FAHD1: variants seen among roughly 807,000 people sequenced by gnomAD.
FAHD1 encodes FAH domain containing oxaloacetate decarboxylase 1.
A neutral mutation model predicts 12.7 loss-of-function variants in FAHD1; 14 were observed. The ratio of observed to expected loss-of-function variants is 1.10; its 90% CI spans 0.73 to 1.72. The LOEUF (loss-of-function observed/expected upper bound fraction) is 1.72. Among genes scored for constraint, FAHD1 ranks in the 40% most tolerant of loss-of-function variants. FAHD1 has a pLI of 0.00. For missense variants in FAHD1, 351 were observed against 298.9 expected, an observed-to-expected ratio of 1.17 and a Z score of -1.29; for synonymous variants, 153 against 124.9, an observed-to-expected ratio of 1.22 and a Z score of -1.50.
At chr16:1,839,583 G>A (rs1048172024) in exon 3 of FAHD1, 8 of 688,962 alleles carry the variant, frequency 1.2e-5, no homozygotes, top group Non-Finnish European at 1.8e-5. Context: ...CTACAAGACA[G>A]TCGTAAAAAA....
exon 2 of FAHD1, chr16:1,838,092 G>A: frequency 1.3e-6 from 1 of 758,138 alleles, no homozygotes; most frequent in Non-Finnish European, 2.1e-6. Flanking sequence ...GAACTCCCGG[G>A]GTCAAGCAAT....
chr16:1,827,582 C>T, exon 1 of FAHD1: 1 of 1,613,638 alleles, frequency 6.2e-7, no homozygotes, highest in Non-Finnish European at 8.5e-7. Context: ...AAGGGGCTGC[C>T]CTGGACTCTG....
chr16:1,832,534 C>T (rs1015534739), downstream of FAHD1, among the ~76,000 whole-genome samples: 4 of 151,224 alleles, frequency 2.6e-5, no homozygotes, highest in Non-Finnish European at 5.9e-5. Flanking sequence ...GCCTGTAATC[C>T]CAGCACTTTG....
chr16:1,834,427 A>G, intron 1 of FAHD1: 2 of 897,462 alleles, frequency 2.2e-6, no homozygotes, highest in Non-Finnish European at 3.6e-6. Context: ...TTGTATATCA[A>G]GTTGAAAAAT....
downstream of FAHD1, among the ~76,000 whole-genome samples, chr16:1,830,007 G>C (rs374563394): frequency 5.3e-5 from 8 of 152,134 alleles, no homozygotes; most frequent in African/African-American, 1.7e-4. Flanking sequence ...CAGATTACAG[G>C]CATACGCCAC....
chr16:1,839,201 A>G, intron 2 of FAHD1: 1 of 1,477,338 alleles, frequency 6.8e-7, no homozygotes, highest in East Asian at 2.4e-5. Flanking sequence ...TTTTTTTGGG[A>G]AAAAGCATTC....
At chr16:1,827,406 C>T (rs1299295007) in exon 1 of FAHD1, 21 of 1,611,144 alleles carry the variant, frequency 1.3e-5, no homozygotes, top group East Asian at 2.2e-5. Flanking sequence ...GCTCGCCCAT[C>T]CTCATGCCCG....
chr16:1,827,999 T>G, exon 1 of FAHD1: 4 of 1,522,396 alleles, frequency 2.6e-6, no homozygotes, highest in Non-Finnish European at 3.5e-6. Flanking sequence ...AACCATTTAT[T>G]GGCCGGACGC....
At chr16:1,827,948 A>G in exon 1 of FAHD1, 1 of 1,585,666 alleles carries the variant, frequency 6.3e-7, no homozygotes, top group Non-Finnish European at 8.6e-7. Context: ...GCAAGACAAG[A>G]GCAAGCAACG....
intron 1 of FAHD1, among the ~76,000 whole-genome samples, chr16:1,836,175 T>C (rs1898740413): frequency 6.6e-6 from 1 of 152,222 alleles, no homozygotes; most frequent in Non-Finnish European, 1.5e-5. Context: ...TATTTTTGTA[T>C]GCATCATGGT....
downstream of FAHD1, among the ~76,000 whole-genome samples, chr16:1,830,448 A>G (rs1898599196): frequency 6.6e-6 from 1 of 152,250 alleles, no homozygotes; most frequent in Admixed American, 6.5e-5. Context: ...TTCAGCTGAG[A>G]TATAGCTACC....
chr16:1,834,279 A>G (rs369169774), intron 1 of FAHD1: 2 of 1,607,562 alleles, frequency 1.2e-6, no homozygotes, highest in African/African-American at 2.7e-5. Flanking sequence ...TGTCCAGACA[A>G]GTTTCTGCTT....
At chr16:1,839,786 C>T (rs186419402) in exon 3 of FAHD1, 47 of 188,970 alleles carry the variant, frequency 2.5e-4, no homozygotes, top group Non-Finnish European at 3.4e-4. Context: ...GCAGAGTGCA[C>T]GCCTCAGGAC....
exon 1 of FAHD1, chr16:1,827,791 A>G (rs781015874): frequency 1.9e-6 from 3 of 1,614,164 alleles, no homozygotes; most frequent in Non-Finnish European, 2.5e-6. Context: ...AGGAGATATT[A>G]TCTTGACTGG....
downstream of FAHD1, among the ~76,000 whole-genome samples, chr16:1,833,206 C>G (rs1898653894): frequency 6.6e-6 from 1 of 152,180 alleles, no homozygotes; most frequent in Admixed American, 6.5e-5. Flanking sequence ...TGCTGCAAAG[C>G]AAACAGATAA....
At chr16:1,827,766 C>A (rs759635482) in exon 1 of FAHD1, 1 of 1,614,094 alleles carries the variant, frequency 6.2e-7, no homozygotes, top group Non-Finnish European at 8.5e-7. Flanking sequence ...TTTCTAAGAT[C>A]ATAACCTTGG....
downstream of FAHD1, chr16:1,828,962 T>G: frequency 3.0e-6 from 3 of 990,268 alleles, no homozygotes; most frequent in Non-Finnish European, 3.7e-6. Flanking sequence ...GGAGGGATAT[T>G]TCCTCCTTGT....
At chr16:1,838,928 G>A (rs779010621) in intron 2 of FAHD1, among the ~76,000 whole-genome samples, 3 of 152,184 alleles carry the variant, frequency 2.0e-5, no homozygotes, top group African/African-American at 4.8e-5. Context: ...CTGACCTCAA[G>A]TGATCCGCCC....
exon 1 of FAHD1, chr16:1,827,917 C>G: frequency 6.2e-7 from 1 of 1,606,908 alleles, no homozygotes; most frequent in South Asian, 1.1e-5. Context: ...TATTTCTTAA[C>G]AAGTTTCGAG....
Sources: gnomAD v4.1 joint callset for allele counts (sites outside exome capture counted in the v4.1 genomes callset) on GRCh38, gnomAD v4.1.1 for gene constraint, MANE v1.5 for transcripts, NCBI Gene and HGNC (gene_info 2026-07-23, HGNC 2026-07-21) for gene names.